Variants in GDPD2 observed in about 807,000 individuals in gnomAD.
The protein encoded by GDPD2 is glycerophosphodiester phosphodiesterase domain containing 2.
Under a neutral mutation model 49.2 loss-of-function variants are expected in GDPD2, and 23 were observed. The ratio of observed to expected loss-of-function variants is 0.47; its 90% CI spans 0.34 to 0.66. The LOEUF is 0.66. Ranked by LOEUF, GDPD2 falls within the 30% of genes least tolerant of loss-of-function variation. The pLI, the probability that GDPD2 is intolerant of heterozygous loss-of-function variation, is 0.01. For missense variants in GDPD2, 338 were observed against 424.7 expected, an observed-to-expected ratio of 0.80 and a Z score of 1.79; for synonymous variants, 167 against 171.4, an observed-to-expected ratio of 0.97 and a Z score of 0.20.
chrX:70,425,674 G>T, intron 3 of GDPD2, 89 bp from the exon 4 acceptor site: 1 of 603,340 alleles, frequency 1.7e-6, no homozygotes, highest in Non-Finnish European at 2.9e-6. Context: ...CTCCCTTCTA[G>T]TCTTCCTGGA....
In GDPD2 at chrX:70,425,793, G is replaced by A; in HGVS notation, c.240G>A (p.Met80Ile). The A allele has an allele frequency of 8.3e-7, 1 of 1,197,715 alleles. No individual in the cohort carries two copies. Among genetic ancestry groups the A allele is most frequent in the South Asian group, 1.8e-5 (1 of 56,584 alleles). Residue 80 changes from methionine to isoleucine, a missense_variant, in exon 4 of 16, where the codon ATG becomes ATA. Transcript: ENST00000374382. ...TCTTCCGCCGCTGGGGACACTGGAT[G>A]GACTGGTCCCTGGCATTCCTGCTGG... Reference protein sequence around the residue: ...EFLFRRWGHWMDWSLAFLLVI... With the variant: ...EFLFRRWGHWIDWSLAFLLVI...
At chrX:70,430,999 G>T (rs1197841560) in intron 12 of GDPD2, 3 of 497,542 alleles carry the variant, frequency 6.0e-6, no homozygotes, top group Non-Finnish European at 6.9e-6. Flanking sequence ...ACCTGCCCAG[G>T]CTGGTCTCAA....
chrX:70,429,403 A>G (rs2086454481), intron 10 of GDPD2, 90 bp from the exon 11 acceptor site: 1 of 573,715 alleles, frequency 1.7e-6, no homozygotes, highest in East Asian at 3.5e-5. Context: ...GAAGCTGGAC[A>G]CCAAGTGGAA....
intron 12 of GDPD2, among the ~76,000 whole-genome samples, chrX:70,430,640 G>C (rs2086467438): frequency 8.9e-6 from 1 of 111,791 alleles, no homozygotes; most frequent in Non-Finnish European, 1.9e-5. Context: ...GAGAGTCCCA[G>C]ATGTGAGCTG....
At chrX:70,430,112 C>T in intron 12 of GDPD2, 49 bp downstream of exon 12, 1 of 1,072,779 alleles carries the variant, frequency 9.3e-7, no homozygotes, top group Non-Finnish European at 1.3e-6. Context: ...GGCTTAATGG[C>T]AGGGAAGAAC....
Position 70,426,348 on chromosome X carries a change from CTCATTCA to C in GDPD2, c.364-20_364-14del, listed in dbSNP as rs2086423821. ...CATGAGCCCAAATTGACCAAGAGGC[CTCATTCA>C]TCCCTGGCCCCCCAGGTGCTGCTGC... On this transcript the variant is annotated splice_polypyrimidine_tract_variant and intron_variant, in intron 5 of 15. Coordinates refer to ENST00000374382, the MANE Select transcript of GDPD2 (RefSeq NM_017711.4). 1 of 1,194,370 alleles carries C rather than the reference CTCATTCA, an allele frequency of 8.4e-7. No individual in the cohort carries two copies. The highest frequency in any genetic ancestry group is 2.2e-5 in the Admixed American group (1 of 45,667).
At chrX:70,425,732 C>T (rs753131585) in intron 3 of GDPD2, 31 bp from the exon 4 acceptor site, 2 of 898,647 alleles carry the variant, frequency 2.2e-6, no homozygotes, top group African/African-American at 2.0e-5. Context: ...CCCCTTCCCC[C>T]ACTTGGACAC....
At chrX:70,430,164 C>A in intron 12 of GDPD2, 101 bp downstream of exon 12, 2 of 757,896 alleles carry the variant, frequency 2.6e-6, no homozygotes, top group Non-Finnish European at 3.9e-6. Flanking sequence ...TTCACTCACA[C>A]AAAAAGTATT....
rs1018632698 is a variant in GDPD2, at chrX:70,426,442, G to A, written c.435G>A (p.Glu145=). ...LVGLDIQWQQ[E]WHSLRVSLQA... ...GACTGGACATCCAATGGCAGCAGGA[G>A]TGGCATAGCTTGCGTGTGTCACTGC... The change falls in exon 6 of 16, where the codon GAG becomes GAA. Residue 145 remains glutamate (E), a synonymous_variant. Transcript: ENST00000374382. 2 of 1,211,108 alleles carry A rather than the reference G, an allele frequency of 1.7e-6. No homozygotes were observed. The highest frequency in any genetic ancestry group is 2.2e-6 in the Non-Finnish European group (2 of 894,672).
intron 1 of GDPD2, among the ~76,000 whole-genome samples, chrX:70,423,768 C>A (rs1332137575): frequency 9.0e-6 from 1 of 110,994 alleles, no homozygotes; most frequent in African/African-American, 3.3e-5. Flanking sequence ...TTTCCCAAGG[C>A]AGCATAAAGA....
intron 14 of GDPD2, 77 bp from the exon 15 acceptor site, chrX:70,432,835 G>C (rs965406731): frequency 7.6e-5 from 64 of 846,170 alleles, no homozygotes; most frequent in Non-Finnish European, 1.0e-4. Flanking sequence ...AAGGCAGTTG[G>C]GGGGAGCAGG....
In GDPD2 at chrX:70,423,907, G is replaced by A. The variant is rs150570353; in HGVS notation, c.-10+525G>A. Among the ~76,000 whole-genome samples, 6 of 111,717 alleles carry A rather than the reference G, an allele frequency of 5.4e-5. No individual in the cohort carries two copies. The East Asian group carries it at 1.7e-3, about 32-fold the overall frequency. ...TGTCCCTCAGCCCGCACGCACACAT[G>A]CTCACACACTTTGGGTGTATCCAGG... On this transcript the variant is annotated intron_variant, in intron 1 of 15. Transcript: ENST00000374382.
chrX:70,429,687 G>A lies in GDPD2; in HGVS notation c.1131G>A (p.Val377=). ...TTGTGATCCAGACATTGGAGACTGT[G>A]CTGAATGCAAGGGTGCCCCAAGCCA... ...DTFVIQTLET[V]LNARVPQAMV... is the part of the protein sequence containing the mutation. Residue 377 remains valine (V), a synonymous_variant, in exon 11 of 16, where the codon GTG becomes GTA. Transcript: ENST00000374382. 8.3e-7 allele frequency: 1 copy of A among 1,205,974 alleles called. No individual in the cohort carries two copies.
At chrX:70,430,342 A>G in intron 12 of GDPD2, among the ~76,000 whole-genome samples, 1 of 112,392 alleles carries the variant, frequency 8.9e-6, no homozygotes, top group Middle Eastern at 4.6e-3. Context: ...TGTTATGAAG[A>G]CAAAACAGAG....
At chrX:70,424,024 C>T (rs980089424) in intron 1 of GDPD2, among the ~76,000 whole-genome samples, 1 of 111,682 alleles carries the variant, frequency 9.0e-6, no homozygotes, top group East Asian at 2.8e-4. Flanking sequence ...AATCACATAC[C>T]GTCTCGCGTA....
In GDPD2 at chrX:70,433,197, G is replaced by A; in HGVS notation, c.*111G>A. ...GGGTGGTGGGTTGCAAGTGGGGGGAGCTTTGCCAACAGGAGGTTTTGAACC... is the reference window on the plus strand; with the variant it reads ...GGGTGGTGGGTTGCAAGTGGGGGGAACTTTGCCAACAGGAGGTTTTGAACC... On this transcript the variant is annotated 3_prime_UTR_variant, in exon 16 of 16. Transcript: ENST00000374382. 1.7e-6 allele frequency: 1 copy of A among 596,306 alleles called. No individual in the cohort carries two copies. Among genetic ancestry groups the A allele is most frequent in the South Asian group, 2.6e-5 (1 of 38,464 alleles). 49.1% of individuals were successfully genotyped at this position (596,306 alleles called of 1,213,427 possible).
Position 70,433,295 on chromosome X carries a change from C to A in GDPD2, c.*209C>A. On this transcript the variant is annotated 3_prime_UTR_variant, in exon 16 of 16. Coordinates refer to ENST00000374382, the MANE Select transcript of GDPD2 (RefSeq NM_017711.4). ...AATCTGCTCCCTTTGGGGTTTTGAC[C>A]TGAGATGTTTGGGAAGAGAGTGAGT... The A allele has an allele frequency of 2.3e-6, 1 of 427,971 alleles. No homozygotes were observed. Among genetic ancestry groups the A allele is most frequent in the Admixed American group, 4.1e-5 (1 of 24,655 alleles). 35.3% of individuals were successfully genotyped at this position (427,971 alleles called of 1,213,427 possible). A position where few individuals can be genotyped will look rare whatever the true frequency, so the allele number is the denominator to read the frequency against.
Position 70,426,047 on chromosome X carries a change from T to A in GDPD2, c.304-5T>A. Reference sequence around the variant, plus strand: ...CCCATAAGTCCCACTGCTCTCTTCCTCTAGGTCCTGGCCCTGCTCCTGCGG... The same window carrying A: ...CCCATAAGTCCCACTGCTCTCTTCCACTAGGTCCTGGCCCTGCTCCTGCGG... On this transcript the variant is annotated splice_region_variant and splice_polypyrimidine_tract_variant and intron_variant, in intron 4 of 15. Coordinates refer to ENST00000374382, the MANE Select transcript of GDPD2 (RefSeq NM_017711.4). 1 of 1,205,230 alleles carries A rather than the reference T, an allele frequency of 8.3e-7. No individual in the cohort carries two copies. Among genetic ancestry groups the A allele is most frequent in the Non-Finnish European group, 1.1e-6 (1 of 889,449 alleles).
intron 1 of GDPD2, among the ~76,000 whole-genome samples, chrX:70,424,385 A>T (rs750785432): frequency 3.6e-5 from 4 of 111,942 alleles, no homozygotes; most frequent in Admixed American, 9.5e-5. Context: ...TGAGAGGTGG[A>T]CACAGAGAAT....
Sources: allele counts gnomAD v4.1 joint callset (sites outside exome capture counted in the v4.1 genomes callset), GRCh38; gene constraint gnomAD v4.1.1; transcripts MANE v1.5; gene names NCBI Gene and HGNC (gene_info 2026-07-23, HGNC 2026-07-21).